Variants in CRNN observed in about 807,000 individuals in gnomAD.
CRNN encodes 53 kDa putative calcium-binding protein.
Under a neutral mutation model 44.7 loss-of-function variants are expected in CRNN, and 39 were observed. That is an observed-to-expected ratio of 0.87 (90% CI 0.68 to 1.14). The LOEUF is 1.14. CRNN is among the 50% of genes most tolerant of loss of function. CRNN has a pLI of 0.00. For synonymous variants in CRNN, 240 were observed against 231.8 expected (o/e 1.04, Z -0.32); for missense variants, 606 against 605.1 (o/e 1.00, Z -0.02).
At position 152,410,088 on chromosome 1, in the gene CRNN, C is replaced by G. The variant is rs369971689; in HGVS notation, c.994G>C (p.Gly332Arg). ...TGGCTGGTCTGGCTCCTGCCTTGAC[C>G]GTGGATCTCAGTCCCTCTGTTCTGG... ...NGQNRGTEIH[G>R]QGRSQTSQAV... The change falls in exon 3 of 3, where the codon GGT becomes CGT. Residue 332 changes from glycine (G) to arginine (R), a missense_variant. Gly to Arg is a moderately radical substitution (Grantham distance 125, BLOSUM62 -2). Coordinates refer to ENST00000271835, the MANE Select transcript of CRNN (RefSeq NM_016190.3). 3.7e-6 allele frequency: 6 copies of G among 1,613,846 alleles called. No individual in the cohort carries two copies. The South Asian group carries it at 6.6e-5, about 18-fold the overall frequency.
In CRNN at chr1:152,409,999, G is replaced by A. The variant is rs764120168; in HGVS notation, c.1083C>T (p.Asp361=). Residue 361 remains aspartate, a synonymous_variant, in exon 3 of 3, where the codon GAC becomes GAT. Coordinates refer to ENST00000271835, the MANE Select transcript of CRNN (RefSeq NM_016190.3). ...CTCCGTGGCTTACAGTTTGGCTTCT[G>A]TCCTGCTCCACAGTCTCGGTGTGTG... ...AGSHTETVEQ[D]RSQTVSHGGA... 6.2e-7 allele frequency: 1 copy of A among 1,614,122 alleles called. No homozygotes were observed. The highest frequency in any genetic ancestry group is 2.2e-5 in the East Asian group (1 of 44,870).
At position 152,410,661 on chromosome 1, in the gene CRNN, G is replaced by T; in HGVS notation, c.421C>A (p.Gln141Lys). 1 of 1,614,036 alleles carries T rather than the reference G, an allele frequency of 6.2e-7. No homozygotes were observed. The highest frequency in any genetic ancestry group is 8.5e-7 in the Non-Finnish European group (1 of 1,179,982). ...CTGTTCTGCCCTCTGGAACCCTGCT[G>T]GCTCTGTCTGTGGCTGCTCCCCTCA... ...HYEGSSHRQSQQGSRGQNRPG... is the reference protein window; with the variant it reads ...HYEGSSHRQSKQGSRGQNRPG... Residue 141 changes from glutamine to lysine, a missense_variant, in exon 3 of 3, where the codon CAG becomes AAG. Transcript: ENST00000271835.
intron 2 of CRNN, 123 bp from the exon 3 acceptor site, chr1:152,411,066 C>T: frequency 2.1e-6 from 3 of 1,422,130 alleles, no homozygotes; most frequent in East Asian, 2.5e-5. Flanking sequence ...ACGGCTAGAG[C>T]AGCAGCAAGA....
chr1:152,412,811 A>T (rs943373322), intron 1 of CRNN, among the ~76,000 whole-genome samples: 1 of 152,114 alleles, frequency 6.6e-6, no homozygotes. Context: ...AAATCCTAGG[A>T]TCCATTTTTC....
intron 2 of CRNN, 69 bp downstream of exon 2, chr1:152,412,027 G>T (rs979625474): frequency 6.7e-7 from 1 of 1,489,584 alleles, no homozygotes; most frequent in East Asian, 2.4e-5. Context: ...CCCAGGCAAG[G>T]CCTCTGCAGG....
At position 152,410,796 on chromosome 1, in the gene CRNN, C is replaced by G. The variant is rs1570966182; in HGVS notation, c.286G>C (p.Ala96Pro). ...FKTLSESAEG[A>P]CGSQESGSLH... ...CTTCCAGACTCTTGAGAGCCGCAGG[C>G]TCCCTCAGCACTCTCGCTCAGTGTC... The change falls in exon 3 of 3, where the codon GCC (alanine) becomes CCC (proline). Residue 96 changes from alanine to proline, a missense_variant. Physicochemically the swap from Ala to Pro is conservative, Grantham distance 27. Coordinates refer to ENST00000271835, the MANE Select transcript of CRNN (RefSeq NM_016190.3). 1 of 1,614,246 alleles carries G rather than the reference C, an allele frequency of 6.2e-7. No homozygotes were observed. The highest frequency in any genetic ancestry group is 8.5e-7 in the Non-Finnish European group (1 of 1,180,050).
At position 152,410,796 on chromosome 1, in the gene CRNN, C is replaced by A; in HGVS notation, c.286G>T (p.Ala96Ser). The change falls in exon 3 of 3, where the codon GCC becomes TCC. Residue 96 changes from alanine (A) to serine (S), a missense_variant. Coordinates refer to ENST00000271835, the MANE Select transcript of CRNN (RefSeq NM_016190.3). Reference protein sequence around the residue: ...FKTLSESAEGACGSQESGSLH... With the variant: ...FKTLSESAEGSCGSQESGSLH... ...CTTCCAGACTCTTGAGAGCCGCAGG[C>A]TCCCTCAGCACTCTCGCTCAGTGTC... 6.2e-7 allele frequency: 1 copy of A among 1,614,246 alleles called. No individual in the cohort carries two copies. Among genetic ancestry groups the A allele is most frequent in the Non-Finnish European group, 8.5e-7 (1 of 1,180,050 alleles).
chr1:152,409,626 G>A lies in CRNN; in HGVS notation c.1456C>T (p.Leu486=). ...TTGGTGCTTCTCAAGTAGGAATACA[G>A]CTCTCTAGCTGTGATGCCTCGCTTC... ...EEKRGITARE[L]YSYLRSTKP Residue 486 remains leucine, a synonymous_variant, in exon 3 of 3, where the codon CTG becomes TTG. Transcript: ENST00000271835. The A allele has an allele frequency of 6.2e-7, 1 of 1,613,526 alleles. No individual in the cohort carries two copies. Among genetic ancestry groups the A allele is most frequent in the Non-Finnish European group, 8.5e-7 (1 of 1,179,710 alleles).
intron 2 of CRNN, among the ~76,000 whole-genome samples, chr1:152,411,506 G>A (rs2101705743): frequency 6.6e-6 from 1 of 152,268 alleles, no homozygotes; most frequent in Non-Finnish European, 1.5e-5. Context: ...CATCATCCTG[G>A]TTGCTTTAGA....
intron 2 of CRNN, 146 bp from the exon 3 acceptor site, chr1:152,411,089 TA>T (rs1342464202): frequency 7.3e-7 from 1 of 1,374,910 alleles, no homozygotes; most frequent in African/African-American, 1.5e-5. Context: ...TAATTGCCTT[TA>T]TTTTTTTTTA....
Position 152,409,599 on chromosome 1 carries a change from G to A in CRNN, c.1483C>T (p.Pro495Ser), listed in dbSNP as rs767088520. 1.8e-5 allele frequency: 29 copies of A among 1,607,810 alleles called. No homozygotes were observed. Among genetic ancestry groups the A allele is most frequent in the East Asian group, 1.6e-4 (7 of 44,886 alleles). Residue 495 changes from proline (P) to serine (S), a missense_variant, in exon 3 of 3, where the codon CCA becomes TCA. By Grantham distance (74) the Pro-to-Ser change is moderately conservative. Transcript: ENST00000271835. ...ELYSYLRSTK[P>S] Reference sequence around the variant, plus strand: ...GGACATTGGAGTCGGGGAAGTCATGGCTTGGTGCTTCTCAAGTAGGAATAC... The same window carrying A: ...GGACATTGGAGTCGGGGAAGTCATGACTTGGTGCTTCTCAAGTAGGAATAC...
intron 1 of CRNN, 92 bp from the exon 2 acceptor site, chr1:152,412,338 G>T: frequency 7.8e-7 from 1 of 1,281,044 alleles, no homozygotes. Context: ...TTCCTTGCAC[G>T]TTCAGCTCTG....
rs148396117 is a variant in CRNN, at chr1:152,410,704, C to T, written c.378G>A (p.Ala126=). 4.9e-5 allele frequency: 79 copies of T among 1,613,910 alleles called. No homozygotes were observed. Among genetic ancestry groups the T allele is most frequent in the East Asian group, 3.6e-4 (16 of 44,888 alleles). Residue 126 remains alanine, a synonymous_variant, in exon 3 of 3, where the codon GCG becomes GCA. Coordinates refer to ENST00000271835, the MANE Select transcript of CRNN (RefSeq NM_016190.3). Reference sequence around the variant, plus strand: ...TCCCCTCATAATGCTGCCCTTTCCCCGCCCTTCCCACTTCAGTGCCACTTC... The same window carrying T: ...TCCCCTCATAATGCTGCCCTTTCCCTGCCCTTCCCACTTCAGTGCCACTTC... ...GQRSGTEVGR[A]GKGQHYEGSS...
Position 152,410,483 on chromosome 1 carries a change from C to T in CRNN, c.599G>A (p.Arg200Lys). 6.2e-7 allele frequency: 1 copy of T among 1,614,190 alleles called. No individual in the cohort carries two copies. The highest frequency in any genetic ancestry group is 2.2e-5 in the East Asian group (1 of 44,880). The change falls in exon 3 of 3, where the codon AGG (arginine) becomes AAG (lysine). Residue 200 changes from arginine (R) to lysine (K), a missense_variant. Transcript: ENST00000271835. Reference sequence around the variant, plus strand: ...TGGCCTCATCTCTGTTGTCTGATTCCTCTTGCCTTCTCCAGCTTTCTGGGT... The same window carrying T: ...TGGCCTCATCTCTGTTGTCTGATTCTTCTTGCCTTCTCCAGCTTTCTGGGT... ...EQTQKAGEGK[R>K]NQTTEMRPER... is the part of the protein sequence containing the mutation.
In CRNN at chr1:152,409,547, T is replaced by C. The variant is rs1173552594; in HGVS notation, c.*47A>G. The C allele has an allele frequency of 6.4e-7, 1 of 1,566,252 alleles. No individual in the cohort carries two copies. On this transcript the variant is annotated 3_prime_UTR_variant, in exon 3 of 3. Transcript: ENST00000271835. ...ATTGGCCATGCAGGACAAGCCAAAC[T>C]CTCTCCAGCTGTCTTCTTCCAGTAC...
chr1:152,409,280 T>C lies in CRNN; in HGVS notation c.*314A>G, dbSNP rs1235935527. Reference sequence around the variant, plus strand: ...GGTTTTATTGATGCATTAGGGTAGATGGGGCAATAGAGAGATGTCAGAGAT... The same window carrying C: ...GGTTTTATTGATGCATTAGGGTAGACGGGGCAATAGAGAGATGTCAGAGAT... On this transcript the variant is annotated 3_prime_UTR_variant, in exon 3 of 3. Coordinates refer to ENST00000271835, the MANE Select transcript of CRNN (RefSeq NM_016190.3). The C allele has an allele frequency of 3.0e-6, 1 of 331,982 alleles. No homozygotes were observed. Among genetic ancestry groups the C allele is most frequent in the Non-Finnish European group, 5.5e-6 (1 of 182,340 alleles). The allele number at this position is 331,982 out of a possible 1,614,324, so 20.6% of individuals were successfully genotyped here.
rs1655713279 is a variant in CRNN, at chr1:152,410,245, G to T, written c.837C>A (p.Ser279Arg). 2.5e-6 allele frequency: 4 copies of T among 1,613,148 alleles called. No homozygotes were observed. The highest frequency in any genetic ancestry group is 3.4e-6 in the Non-Finnish European group (4 of 1,179,598). Residue 279 changes from serine (S) to arginine (R), a missense_variant, in exon 3 of 3, where the codon AGC becomes AGA. Coordinates refer to ENST00000271835, the MANE Select transcript of CRNN (RefSeq NM_016190.3). ...ETHGQGRSQT[S>R]QAVTGGHAQI... ...GAGCATGTCCTCCTGTCACAGCCTG[G>T]CTGGTCTGGCTCCTGCCTTGACCGT...
rs760677978 is a variant in CRNN at position 152,409,261 on chromosome 1, A to G, written c.*333T>C. On this transcript the variant is annotated 3_prime_UTR_variant, in exon 3 of 3. Coordinates refer to ENST00000271835, the MANE Select transcript of CRNN (RefSeq NM_016190.3). ...ACAGAGGCCAGTGGCTTAAGGTTTT[A>G]TTGATGCATTAGGGTAGATGGGGCA... is the stretch of plus-strand genomic sequence containing the variant. 3 of 269,138 alleles carry G rather than the reference A, an allele frequency of 1.1e-5. No homozygotes were observed. The highest frequency in any genetic ancestry group is 2.1e-5 in the Non-Finnish European group (3 of 143,162). 16.7% of individuals were successfully genotyped at this position (269,138 alleles called of 1,614,324 possible).
rs771366894 is a variant in CRNN, at chr1:152,410,931, G to T, written c.151C>A (p.Pro51Thr). The T allele has an allele frequency of 6.2e-7, 1 of 1,607,568 alleles. No individual in the cohort carries two copies. The highest frequency in any genetic ancestry group is 8.5e-7 in the Non-Finnish European group (1 of 1,176,582). ...FADVIVKPHD[P>T]ATVDEVLRLL... ...CGCAGGACCTCATCCACAGTTGCTG[G>T]ATCGTGGGGTTTCTGAGGAGAAGAT... Residue 51 changes from proline to threonine, a missense_variant, in exon 3 of 3, where the codon CCA becomes ACA. Coordinates refer to ENST00000271835, the MANE Select transcript of CRNN (RefSeq NM_016190.3).
Sources: allele counts gnomAD v4.1 joint callset (sites outside exome capture counted in the v4.1 genomes callset), GRCh38; gene constraint gnomAD v4.1.1; transcripts MANE v1.5; gene names NCBI Gene and HGNC (gene_info 2026-07-23, HGNC 2026-07-21).